The following MAML2 variants were observed in gnomAD, a reference collection of about 807,000 sequenced individuals.
MAML2 encodes mastermind-like protein 2.
Under a neutral mutation model 96.1 loss-of-function variants are expected in MAML2, and 22 were observed. That is an observed-to-expected ratio of 0.23 (90% CI 0.16 to 0.33). The LOEUF is 0.33. MAML2 is among the 10% of genes least tolerant of loss of function. The probability of loss-of-function intolerance (pLI) is 1.00; values close to 1 mark genes in which losing one functional copy is unlikely to be tolerated. For missense variants in MAML2, 1,367 were observed against 1,392.4 expected, an observed-to-expected ratio of 0.98 and a Z score of 0.29; for synonymous variants, 561 against 521.3, an observed-to-expected ratio of 1.08 and a Z score of -1.04.
chr11:96,062,812 T>C (rs1352414475), intron 2 of MAML2, among the ~76,000 whole-genome samples: 1 of 152,202 alleles, frequency 6.6e-6, no homozygotes, highest in Non-Finnish European at 1.5e-5. Flanking sequence ...GAACATTTTT[T>C]GTTCCTGAGC....
chr11:96,097,136 T>G (rs1439932643), intron 1 of MAML2, among the ~76,000 whole-genome samples: 3 of 152,212 alleles, frequency 2.0e-5, no homozygotes, highest in African/African-American at 7.2e-5. Context: ...GGACTAAAAT[T>G]CTTTCATTAG....
chr11:96,100,748 CTT>C, intron 1 of MAML2, among the ~76,000 whole-genome samples: 1 of 109,318 alleles, frequency 9.1e-6, no homozygotes, highest in African/African-American at 3.4e-5. Context: ...TTTTTTTTTT[CTT>C]TTTTTTTTTT....
chr11:96,224,541 A>G (rs1862185049), intron 1 of MAML2, among the ~76,000 whole-genome samples: 1 of 152,182 alleles, frequency 6.6e-6, no homozygotes, highest in Admixed American at 6.5e-5. Flanking sequence ...TTCAATGTTA[A>G]TTAACTTTCT....
chr11:96,340,988 C>T (rs1421306700), intron 1 of MAML2, among the ~76,000 whole-genome samples: 1 of 152,112 alleles, frequency 6.6e-6, no homozygotes, highest in Admixed American at 6.6e-5. Flanking sequence ...CTGATAAATG[C>T]TTTGGGGCTG....
intron 1 of MAML2, among the ~76,000 whole-genome samples, chr11:96,264,349 G>C (rs193093965): frequency 6.6e-6 from 1 of 152,268 alleles, no homozygotes; most frequent in East Asian, 1.9e-4. Context: ...TGCTGCTGGA[G>C]AAAAAATTAT....
intron 1 of MAML2, among the ~76,000 whole-genome samples, chr11:96,339,288 G>C (rs781351051): frequency 2.6e-5 from 4 of 152,256 alleles, no homozygotes; most frequent in African/African-American, 9.6e-5. Context: ...GCTTTCAGTC[G>C]GGAAGGGCCA....
chr11:96,042,800 A>AGT (rs1163596854), intron 2 of MAML2, among the ~76,000 whole-genome samples: 3 of 137,464 alleles, frequency 2.2e-5, no homozygotes, highest in Non-Finnish European at 1.5e-5. Context: ...GCTGGAGTGC[A>AGT]GTGGTGCCAC....
intron 1 of MAML2, among the ~76,000 whole-genome samples, chr11:96,308,622 G>A (rs1300631039): frequency 2.0e-5 from 3 of 152,176 alleles, no homozygotes; most frequent in Non-Finnish European, 4.4e-5. Context: ...TTGCATCAGA[G>A]TTGCTCTAAC....
chr11:96,304,221 C>G (rs1863432560), intron 1 of MAML2, among the ~76,000 whole-genome samples: 1 of 152,122 alleles, frequency 6.6e-6, no homozygotes, highest in Non-Finnish European at 1.5e-5. Context: ...AGGCCTGGTT[C>G]ACTCTCTCAC....
intron 1 of MAML2, among the ~76,000 whole-genome samples, chr11:96,193,377 CA>C (rs1024655399): frequency 1.3e-5 from 2 of 151,082 alleles, no homozygotes; most frequent in African/African-American, 4.9e-5. Flanking sequence ...TCAACAACAA[CA>C]AAAAAAAATG....
At chr11:96,264,713 A>G (rs1862802667) in intron 1 of MAML2, among the ~76,000 whole-genome samples, 1 of 152,194 alleles carries the variant, frequency 6.6e-6, no homozygotes, top group African/African-American at 2.4e-5. Context: ...AATTGTACTA[A>G]CTACTGTATT....
At chr11:96,254,828 A>T (rs1267100792) in intron 1 of MAML2, among the ~76,000 whole-genome samples, 11 of 151,920 alleles carry the variant, frequency 7.2e-5, no homozygotes, top group African/African-American at 2.7e-4. Flanking sequence ...TTTATTTTTT[A>T]TTTATTTTTT....
intron 1 of MAML2, among the ~76,000 whole-genome samples, chr11:96,157,571 G>A (rs1013719222): frequency 6.6e-6 from 1 of 152,214 alleles, no homozygotes; most frequent in Non-Finnish European, 1.5e-5. Context: ...GAGTATGCAT[G>A]AAAATCATTA....
At chr11:96,246,824 G>GACAC (rs1862518886) in intron 1 of MAML2, among the ~76,000 whole-genome samples, 1 of 152,052 alleles carries the variant, frequency 6.6e-6, no homozygotes, top group African/African-American at 2.4e-5. Flanking sequence ...AACCGTTGTG[G>GACAC]ACACACACAG....
chr11:96,244,998 T>G (rs1353683789), intron 1 of MAML2, among the ~76,000 whole-genome samples: 1 of 152,222 alleles, frequency 6.6e-6, no homozygotes, highest in East Asian at 1.9e-4. Context: ...TGTGAGATTA[T>G]ACATCCATAC....
chr11:96,085,184 G>A (rs200533827), intron 2 of MAML2, among the ~76,000 whole-genome samples: 7 of 145,094 alleles, frequency 4.8e-5, no homozygotes, highest in South Asian at 2.2e-4. Flanking sequence ...GTGTGTGTGT[G>A]TTTAAGTTTG....
At chr11:96,113,755 C>A (rs1201598429) in intron 1 of MAML2, among the ~76,000 whole-genome samples, 2 of 152,128 alleles carry the variant, frequency 1.3e-5, no homozygotes, top group African/African-American at 4.8e-5. Flanking sequence ...CTCTCTCCCC[C>A]ATCTCTTAAC....
intron 1 of MAML2, among the ~76,000 whole-genome samples, chr11:96,328,508 G>A (rs997361996): frequency 1.5e-4 from 23 of 151,944 alleles, no homozygotes; most frequent in African/African-American, 5.3e-4. Flanking sequence ...GCTCGGGCTG[G>A]CCCAGAGCCT....
intron 2 of MAML2, among the ~76,000 whole-genome samples, chr11:96,006,588 C>T (rs571559426): frequency 2.1e-5 from 3 of 141,294 alleles, no homozygotes; most frequent in East Asian, 2.1e-4. Context: ...GATGGAGTTT[C>T]GCTCTTGTTG....
Sources: gnomAD v4.1 joint callset for allele counts (sites outside exome capture counted in the v4.1 genomes callset) on GRCh38, gnomAD v4.1.1 for gene constraint, MANE v1.5 for transcripts, NCBI Gene and HGNC (gene_info 2026-07-23, HGNC 2026-07-21) for gene names.